Variants in ZBTB7C observed in about 807,000 individuals in gnomAD.
ZBTB7C encodes the protein zinc finger and BTB domain containing 7C, also known as zinc finger and BTB domain-containing protein 7C.
ZBTB7C carries 8 observed loss-of-function variants against 25.7 expected under a neutral mutation model. The observed-to-expected ratio is 0.31, with a 90% CI of 0.18 to 0.56. The LOEUF is 0.56. Among genes scored for constraint, ZBTB7C ranks in the 20% least tolerant of loss-of-function variants. The probability of loss-of-function intolerance (pLI) is 0.91; values close to 1 mark genes in which losing one functional copy is unlikely to be tolerated. For synonymous variants in ZBTB7C, 394 were observed against 369.0 expected (o/e 1.07, Z -0.78); for missense variants, 824 against 855.2 (o/e 0.96, Z 0.46).
intron 2 of ZBTB7C, among the ~76,000 whole-genome samples, chr18:48,235,079 C>T (rs79227489): frequency 1.5e-3 from 235 of 152,264 alleles, no homozygotes; most frequent in African/African-American, 5.4e-3. Flanking sequence ...TCTCTTAAAA[C>T]TGCAGACAGG....
intron 2 of ZBTB7C, among the ~76,000 whole-genome samples, chr18:48,249,968 T>G (rs1555724467): frequency 6.6e-6 from 1 of 152,208 alleles, no homozygotes; most frequent in Non-Finnish European, 1.5e-5. Flanking sequence ...AGAGCTAATG[T>G]GTTTTTGCCT....
chr18:48,286,237 T>C (rs549085298), intron 2 of ZBTB7C, among the ~76,000 whole-genome samples: 10 of 103,958 alleles, frequency 9.6e-5, no homozygotes, highest in East Asian at 2.5e-4. Flanking sequence ...GGTGTGCGTG[T>C]GTGTGTGTGT....
chr18:48,100,232 C>T (rs1598877840), intron 3 of ZBTB7C, among the ~76,000 whole-genome samples: 1 of 152,128 alleles, frequency 6.6e-6, no homozygotes, highest in African/African-American at 2.4e-5. Context: ...CAGTTCAGCC[C>T]GCGTGCTTGA....
intron 1 of ZBTB7C, among the ~76,000 whole-genome samples, chr18:48,404,599 G>A (rs2048236598): frequency 6.6e-6 from 1 of 152,164 alleles, no homozygotes; most frequent in African/African-American, 2.4e-5. Flanking sequence ...GATGAATGAT[G>A]CTCCCAACAT....
At chr18:48,097,091 C>T (rs1200751117) in intron 3 of ZBTB7C, among the ~76,000 whole-genome samples, 1 of 152,248 alleles carries the variant, frequency 6.6e-6, no homozygotes, top group East Asian at 1.9e-4. Flanking sequence ...AAAACTGTTT[C>T]CTCTCTTCTC....
chr18:48,264,325 C>T (rs1453553894), intron 2 of ZBTB7C, among the ~76,000 whole-genome samples: 2 of 152,152 alleles, frequency 1.3e-5, no homozygotes, highest in Non-Finnish European at 2.9e-5. Flanking sequence ...TTTATGAGCA[C>T]AACTGGGATA....
chr18:48,156,087 CCA>C (rs1310580286), intron 3 of ZBTB7C, among the ~76,000 whole-genome samples: 1 of 152,212 alleles, frequency 6.6e-6, no homozygotes, highest in Non-Finnish European at 1.5e-5. Flanking sequence ...CATTTATAAC[CCA>C]CCTTGTTCCC....
intron 1 of ZBTB7C, among the ~76,000 whole-genome samples, chr18:48,405,294 G>A (rs73437437): frequency 0.05 from 7,670 of 152,202 alleles, 608 homozygotes; most frequent in African/African-American, 0.17. Flanking sequence ...CAGGGGAGGA[G>A]GCAAAGAGCT....
At chr18:48,103,215 G>A (rs563752748) in intron 3 of ZBTB7C, among the ~76,000 whole-genome samples, 65 of 151,150 alleles carry the variant, frequency 4.3e-4, no homozygotes, top group African/African-American at 1.5e-3. Flanking sequence ...ACACGCAAAG[G>A]TCAGAAAAGC....
chr18:48,193,027 A>C (rs1160114678), intron 2 of ZBTB7C, among the ~76,000 whole-genome samples: 1 of 152,226 alleles, frequency 6.6e-6, no homozygotes, highest in Non-Finnish European at 1.5e-5. Context: ...GGCATCACTG[A>C]GTCCCCACTG....
intron 2 of ZBTB7C, among the ~76,000 whole-genome samples, chr18:48,220,210 C>A (rs2042916829): frequency 2.0e-5 from 3 of 152,166 alleles, no homozygotes; most frequent in Non-Finnish European, 4.4e-5. Context: ...CACTCACAGT[C>A]CAGTTTGGCC....
At chr18:48,077,649 C>T (rs1204238825) in intron 3 of ZBTB7C, among the ~76,000 whole-genome samples, 1 of 152,168 alleles carries the variant, frequency 6.6e-6, no homozygotes, top group Admixed American at 6.5e-5. Flanking sequence ...GTCACAGATG[C>T]ACACGTGGAA....
intron 2 of ZBTB7C, among the ~76,000 whole-genome samples, chr18:48,191,467 A>C (rs941170815): frequency 2.0e-5 from 3 of 152,242 alleles, no homozygotes; most frequent in Non-Finnish European, 4.4e-5. Context: ...AACAAGGAGA[A>C]ACACTTGGTG....
At chr18:48,215,155 G>A (rs1431040340) in intron 2 of ZBTB7C, among the ~76,000 whole-genome samples, 1 of 152,170 alleles carries the variant, frequency 6.6e-6, no homozygotes, top group Non-Finnish European at 1.5e-5. Context: ...ATGGAATCGT[G>A]GTCATCCTCA....
chr18:48,337,321 C>A (rs1021607041), intron 2 of ZBTB7C, among the ~76,000 whole-genome samples: 1 of 152,334 alleles, frequency 6.6e-6, no homozygotes, highest in Non-Finnish European at 1.5e-5. Context: ...ATTTTCCCCA[C>A]GGTGGAAGTT....
chr18:48,188,753 C>T (rs756671925), intron 2 of ZBTB7C, among the ~76,000 whole-genome samples: 1 of 152,198 alleles, frequency 6.6e-6, no homozygotes, highest in Non-Finnish European at 1.5e-5. Context: ...CTGCTCTCCC[C>T]ACCGGGAACC....
intron 3 of ZBTB7C, among the ~76,000 whole-genome samples, chr18:48,059,311 G>A (rs1457148874): frequency 6.6e-6 from 1 of 152,080 alleles, no homozygotes; most frequent in Non-Finnish European, 1.5e-5. Flanking sequence ...GGAACAGCAG[G>A]AGAATACACA....
At chr18:48,110,495 A>G (rs1487119556) in intron 3 of ZBTB7C, among the ~76,000 whole-genome samples, 1 of 152,222 alleles carries the variant, frequency 6.6e-6, no homozygotes, top group Non-Finnish European at 1.5e-5. Flanking sequence ...GGCAAAAACC[A>G]TGAAACAATT....
At chr18:48,180,678 A>G (rs2041893857) in intron 3 of ZBTB7C, among the ~76,000 whole-genome samples, 5 of 152,194 alleles carry the variant, frequency 3.3e-5, no homozygotes, top group Admixed American at 3.3e-4. Context: ...ATATACAGCT[A>G]GCAACACTTT....
Sources: allele counts gnomAD v4.1 joint callset (sites outside exome capture counted in the v4.1 genomes callset), GRCh38; gene constraint gnomAD v4.1.1; transcripts MANE v1.5; gene names NCBI Gene and HGNC (gene_info 2026-07-23, HGNC 2026-07-21).